The following PPM1B variants were observed in gnomAD, a reference collection of about 807,000 sequenced individuals.
The protein encoded by PPM1B is protein phosphatase, Mg2+/Mn2+ dependent 1B.
A neutral mutation model predicts 43.0 loss-of-function variants in PPM1B; 22 were observed. The ratio of observed to expected loss-of-function variants is 0.51; its 90% CI spans 0.37 to 0.73. The LOEUF (loss-of-function observed/expected upper bound fraction) is 0.73. Among genes scored for constraint, PPM1B ranks in the 30% least tolerant of loss-of-function variants. The probability of loss-of-function intolerance (pLI) is 0.00; values close to 1 mark genes in which losing one functional copy is unlikely to be tolerated. For synonymous variants in PPM1B, 217 were observed against 197.9 expected, an observed-to-expected ratio of 1.10 and a Z score of -0.81; for missense variants, 632 against 584.2, an observed-to-expected ratio of 1.08 and a Z score of -0.84.
At chr2:44,209,513 G>A in intron 3 of PPM1B, 186 bp downstream of exon 3, 1 of 601,054 alleles carries the variant, frequency 1.7e-6, no homozygotes, top group South Asian at 2.2e-5. Context: ...CAGGCGCAGT[G>A]GCTCACACCT....
chr2:44,170,031 A>G (rs1451434759), intron 1 of PPM1B, among the ~76,000 whole-genome samples: 2 of 152,264 alleles, frequency 1.3e-5, no homozygotes, highest in Non-Finnish European at 2.9e-5. Context: ...TATTAAACGT[A>G]AAGTGTGAAA....
intron 5 of PPM1B, among the ~76,000 whole-genome samples, chr2:44,224,358 G>A (rs1381866413): frequency 6.6e-6 from 1 of 150,964 alleles, no homozygotes; most frequent in Non-Finnish European, 1.5e-5. Flanking sequence ...GGGAGGCTGA[G>A]GCAGGAGAAT....
At chr2:44,209,366 C>T (rs761827981) in intron 3 of PPM1B, 39 bp downstream of exon 3, 6 of 1,606,220 alleles carry the variant, frequency 3.7e-6, no homozygotes, top group Admixed American at 3.4e-5. Context: ...ACAGGCCAGG[C>T]ACGGTAGCTC....
chr2:44,199,764 ACT>A (rs1205128673), intron 1 of PPM1B, among the ~76,000 whole-genome samples: 1 of 152,038 alleles, frequency 6.6e-6, no homozygotes, highest in Admixed American at 6.6e-5. Flanking sequence ...TCCTTTCAGG[ACT>A]CTTTTTCTAT....
downstream of PPM1B, among the ~76,000 whole-genome samples, chr2:44,245,095 A>G (rs892962619): frequency 2.0e-5 from 3 of 152,026 alleles, no homozygotes; most frequent in Admixed American, 6.6e-5. Context: ...TACATTTTCT[A>G]GGCGCTTTCA....
intron 5 of PPM1B, among the ~76,000 whole-genome samples, chr2:44,241,686 C>A (rs1316710939): frequency 6.6e-6 from 1 of 150,798 alleles, no homozygotes; most frequent in Admixed American, 6.6e-5. Context: ...GAGCTGAGAT[C>A]ATGTCACTGC....
In PPM1B at chr2:44,187,161, C is replaced by T. The variant is rs182420545; in HGVS notation, c.-14-14025C>T. Among the ~76,000 whole-genome samples the T allele has an allele frequency of 1.1e-4, 16 of 152,238 alleles. No homozygotes were observed. The East Asian group carries it at 3.1e-3, about 29-fold the overall frequency. ...CTATGAATTTGACTGTTTTAGATAC[C>T]CCATGTAAGTGGAATCATGTAGTAT... On this transcript the variant is annotated intron_variant, in intron 1 of 5. Coordinates refer to ENST00000282412, the MANE Select transcript of PPM1B (RefSeq NM_002706.6).
intron 5 of PPM1B, among the ~76,000 whole-genome samples, chr2:44,228,394 G>C (rs6760515): frequency 2.0e-5 from 3 of 151,988 alleles, no homozygotes; most frequent in African/African-American, 7.3e-5. Context: ...GGCTGGCCTA[G>C]AACTCCTGAC....
At chr2:44,205,354 G>GGTGTGTGTCGGGGTGTGTGTGTGTGTGT (rs1669134921) in intron 2 of PPM1B, among the ~76,000 whole-genome samples, 5 of 91,822 alleles carry the variant, frequency 5.4e-5, no homozygotes, top group African/African-American at 1.7e-4. Flanking sequence ...TGTGGGTGTG[G>GGTGTGTGTCGGGGTGTGTGTGTGTGTGT]GTGTGTGTGT....
chr2:44,186,023 G>T (rs1405626532), intron 1 of PPM1B, among the ~76,000 whole-genome samples: 5 of 152,154 alleles, frequency 3.3e-5, no homozygotes, highest in African/African-American at 1.2e-4. Context: ...TTACTGATGG[G>T]TGGAGTTGTT....
chr2:44,169,515 C>A (rs1161244612), intron 1 of PPM1B, among the ~76,000 whole-genome samples: 1 of 152,238 alleles, frequency 6.6e-6, no homozygotes, highest in Non-Finnish European at 1.5e-5. Context: ...GGGAGAGGCG[C>A]AGGGAGAGAA....
downstream of PPM1B, among the ~76,000 whole-genome samples, chr2:44,235,006 C>A (rs576482782): frequency 1.3e-5 from 2 of 152,130 alleles, no homozygotes; most frequent in South Asian, 2.1e-4. Flanking sequence ...ATGAAGAAAC[C>A]TGGCCTCACA....
rs72800976 is a variant in PPM1B, at chr2:44,172,196, C to G, written c.-15+2922C>G. The stretch of plus-strand genomic sequence containing the variant: ...ATTTTCAGTTATTCTTCACACTGTA[C>G]CTGATTTCTTTTTGTTTTTCCCTTG... On this transcript the variant is annotated intron_variant, in intron 1 of 5. Transcript: ENST00000282412. Among the ~76,000 whole-genome samples the G allele has an allele frequency of 1.9e-3, 285 of 152,132 alleles. 1 individual carries two copies. Among genetic ancestry groups the G allele is most frequent in the Non-Finnish European group, 3.0e-3 (204 of 67,982 alleles).
chr2:44,218,230 C>A, intron 4 of PPM1B, 152 bp downstream of exon 4: 2 of 697,926 alleles, frequency 2.9e-6, no homozygotes, highest in Non-Finnish European at 4.9e-6. Context: ...AAAACTTCAA[C>A]CAAAAACGAT....
intron 1 of PPM1B, among the ~76,000 whole-genome samples, chr2:44,175,832 C>A (rs1181754337): frequency 6.8e-6 from 1 of 146,854 alleles, no homozygotes; most frequent in Non-Finnish European, 1.5e-5. Flanking sequence ...GTCACCCAGG[C>A]TGGAGTGCAG....
intron 2 of PPM1B, among the ~76,000 whole-genome samples, chr2:44,202,725 T>G (rs1668998484): frequency 1.3e-5 from 2 of 152,192 alleles, no homozygotes; most frequent in African/African-American, 4.8e-5. Context: ...TGTGAAAAAT[T>G]CCTGTGGAAC....
At chr2:44,239,275 A>G (rs901511549), downstream of PPM1B, among the ~76,000 whole-genome samples, 3 of 151,162 alleles carry the variant, frequency 2.0e-5, no homozygotes, top group Non-Finnish European at 4.4e-5. Context: ...TCTTTCCTAT[A>G]TATATTGGCC....
intron 1 of PPM1B, among the ~76,000 whole-genome samples, chr2:44,175,492 T>C (rs1238900898): frequency 1.3e-5 from 2 of 152,198 alleles, no homozygotes; most frequent in African/African-American, 2.4e-5. Context: ...TTCATGCCAG[T>C]ATCTGAACAA....
chr2:44,242,625 C>G (rs964147007), intron 5 of PPM1B, among the ~76,000 whole-genome samples: 1 of 152,154 alleles, frequency 6.6e-6, no homozygotes, highest in Non-Finnish European at 1.5e-5. Context: ...CAGTGTTGCA[C>G]ATTGCCAAGC....
Sources: gnomAD v4.1 joint callset for allele counts (sites outside exome capture counted in the v4.1 genomes callset) on GRCh38, gnomAD v4.1.1 for gene constraint, MANE v1.5 for transcripts, NCBI Gene and HGNC (gene_info 2026-07-23, HGNC 2026-07-21) for gene names.